Variants in SBK1 observed in about 807,000 individuals in gnomAD.
SBK1 encodes the protein serine/threonine-protein kinase SBK1.
SBK1 carries 11 observed loss-of-function variants against 24.4 expected under a neutral mutation model. The ratio of observed to expected loss-of-function variants is 0.45; its 90% confidence interval spans 0.28 to 0.75. The LOEUF (loss-of-function observed/expected upper bound fraction) is 0.75. Ranked by LOEUF, SBK1 falls within the 30% of genes least tolerant of loss-of-function variation. SBK1 has a pLI of 0.12. For missense variants in SBK1, 467 were observed against 620.5 expected, an observed-to-expected ratio of 0.75 and a Z score of 2.63; for synonymous variants, 308 against 284.4, an observed-to-expected ratio of 1.08 and a Z score of -0.83.
rs1021505330 is a variant in SBK1, at chr16:28,317,036, G to C, written c.-7-349G>C. ...TCTCTACAATCCAAATAAAACCAACGCTTCTGAATGGGAGTACCCGTGTGA... is the reference window on the plus strand; with the variant it reads ...TCTCTACAATCCAAATAAAACCAACCCTTCTGAATGGGAGTACCCGTGTGA... On this transcript the variant is annotated intron_variant, in intron 1 of 3. Coordinates refer to ENST00000341901, the MANE Select transcript of SBK1 (RefSeq NM_001024401.3). The surrounding 1 kb of genome is among the most constrained non-coding windows in gnomAD (Gnocchi z 4.2). Among the ~76,000 whole-genome samples the C allele has an allele frequency of 2.6e-5, 4 of 152,166 alleles. No individual in the cohort carries two copies. Among genetic ancestry groups the C allele is most frequent in the Admixed American group, 2.6e-4 (4 of 15,268 alleles).
chr16:28,261,553 C>T (rs1382103655), intron 1 of SBK1, among the ~76,000 whole-genome samples: 1 of 151,728 alleles, frequency 6.6e-6, no homozygotes, highest in Non-Finnish European at 1.5e-5. Context: ...TCCCTTGAGC[C>T]CAGAAGTTCG....
intron 1 of SBK1, among the ~76,000 whole-genome samples, chr16:28,307,612 C>T (rs747344301): frequency 7.9e-5 from 12 of 151,684 alleles, no homozygotes; most frequent in Non-Finnish European, 1.6e-4. Flanking sequence ...TGGTGGCTCA[C>T]GCCTGTAGTC....
rs2044864504 is a variant in SBK1, at chr16:28,322,919, G to GCGCTCTCTCTCT, written c.*1999_*2000insGCTCTCTCTCTC. 1.7e-5 allele frequency: 1 copy of GCGCTCTCTCTCT among 58,048 alleles called. No homozygotes were observed. Among genetic ancestry groups the GCGCTCTCTCTCT allele is most frequent in the African/African-American group, 5.1e-5 (1 of 19,710 alleles). 3.6% of individuals were successfully genotyped at this position (58,048 alleles called of 1,614,324 possible). A position where few individuals can be genotyped will look rare whatever the true frequency, so the allele number is the denominator to read the frequency against. On this transcript the variant is annotated 3_prime_UTR_variant, in exon 4 of 4. Transcript: ENST00000341901. ...CGTGCTCGCTCTCTCTCTCGCGCGC[G>GCGCTCTCTCTCT]CTCTCTCTCTCCCTCTCTCTCTCTC...
intron 1 of SBK1, among the ~76,000 whole-genome samples, chr16:28,293,597 C>A (rs571382847): frequency 1.1e-4 from 17 of 151,950 alleles, no homozygotes; most frequent in African/African-American, 3.4e-4. Flanking sequence ...GAGTCCCCCC[C>A]CAAAAGCTGC....
chr16:28,277,783 CCT>C, intron 1 of SBK1, among the ~76,000 whole-genome samples: 1 of 152,342 alleles, frequency 6.6e-6, no homozygotes, highest in East Asian at 1.9e-4. Flanking sequence ...GTGGTCTTGC[CCT>C]CGAGAACCAG....
intron 2 of SBK1, among the ~76,000 whole-genome samples, chr16:28,318,428 G>A (rs1299047075): frequency 6.6e-6 from 1 of 152,244 alleles, no homozygotes; most frequent in Non-Finnish European, 1.5e-5. Context: ...GTCCTTCTCT[G>A]TAAAATAGGG....
Position 28,323,242 on chromosome 16 carries a change from G to A in SBK1, c.*2321G>A, listed in dbSNP as rs1389831366. The stretch of plus-strand genomic sequence containing the variant: ...CTTAGGAGAGGTGTTGGTCACAGAT[G>A]TTTACCTCAGTTTATGTCACTGTCG... On this transcript the variant is annotated 3_prime_UTR_variant, in exon 4 of 4. Coordinates refer to ENST00000341901, the MANE Select transcript of SBK1 (RefSeq NM_001024401.3). 6.7e-6 allele frequency: 1 copy of A among 149,940 alleles called. No homozygotes were observed. The highest frequency in any genetic ancestry group is 1.5e-5 in the Non-Finnish European group (1 of 67,590). The allele number at this position is 149,940 out of a possible 1,614,324, so 9.3% of individuals were successfully genotyped here.
chr16:28,314,143 ATTATTG>A (rs1056918810), intron 1 of SBK1, among the ~76,000 whole-genome samples: 5 of 97,398 alleles, frequency 5.1e-5, no homozygotes, highest in Admixed American at 1.9e-4. Flanking sequence ...TGTTGTCGTT[ATTATTG>A]TTATTATTAT....
intron 1 of SBK1, among the ~76,000 whole-genome samples, chr16:28,296,810 C>G (rs529465936): frequency 7.2e-5 from 11 of 152,142 alleles, no homozygotes; most frequent in Non-Finnish European, 1.3e-4. Flanking sequence ...ACAGCAAACC[C>G]GAGTCCTTCC....
At chr16:28,275,880 G>C (rs2044491584) in intron 1 of SBK1, among the ~76,000 whole-genome samples, 1 of 151,320 alleles carries the variant, frequency 6.6e-6, no homozygotes, top group East Asian at 1.9e-4. Context: ...GGAAGACCCT[G>C]TCTCAAAAAA....
chr16:28,294,294 T>C (rs1394763138), intron 1 of SBK1, among the ~76,000 whole-genome samples: 2 of 152,110 alleles, frequency 1.3e-5, no homozygotes, highest in Non-Finnish European at 2.9e-5. Context: ...CTGGACTGCA[T>C]GGAAAGAACA....
At chr16:28,270,406 A>AAGTATT (rs977046059) in intron 1 of SBK1, among the ~76,000 whole-genome samples, 4 of 146,032 alleles carry the variant, frequency 2.7e-5, no homozygotes, top group Non-Finnish European at 4.5e-5. Context: ...TTCAGCCTAG[A>AAGTATT]ATTATTATTA....
chr16:28,293,932 C>G (rs1485907950), intron 1 of SBK1, among the ~76,000 whole-genome samples: 2 of 152,132 alleles, frequency 1.3e-5, no homozygotes, highest in African/African-American at 4.8e-5. Context: ...GTAAGTACCC[C>G]CCAAAGTGAG....
intron 1 of SBK1, among the ~76,000 whole-genome samples, chr16:28,315,480 T>C (rs1338681861): frequency 6.6e-6 from 1 of 152,130 alleles, no homozygotes; most frequent in Non-Finnish European, 1.5e-5. Context: ...AGTCAGGTCT[T>C]AGCCCAAGTG....
intron 1 of SBK1, among the ~76,000 whole-genome samples, chr16:28,272,390 C>T (rs964732719): frequency 2.0e-5 from 3 of 151,960 alleles, no homozygotes; most frequent in African/African-American, 7.2e-5. Flanking sequence ...CTCTTTAGAG[C>T]TTATTCATCT....
chr16:28,317,237 C>T lies in SBK1; in HGVS notation c.-7-148C>T. The T allele has an allele frequency of 4.7e-6, 3 of 639,250 alleles. No individual in the cohort carries two copies. The highest frequency in any genetic ancestry group is 8.2e-6 in the Non-Finnish European group (3 of 366,618). 39.6% of individuals were successfully genotyped at this position (639,250 alleles called of 1,614,324 possible). On this transcript the variant is annotated intron_variant, in intron 1 of 3. Coordinates refer to ENST00000341901, the MANE Select transcript of SBK1 (RefSeq NM_001024401.3). This position sits in a 1 kb window ranked among gnomAD's most constrained non-coding sequence, Gnocchi z 4.2. ...GAGGCTTTGGGGAAGGCGACGCGAC[C>T]AAGATGCTTGTCGCCCCCTTGTGGT...
At chr16:28,278,752 A>G (rs2044510550) in intron 1 of SBK1, among the ~76,000 whole-genome samples, 1 of 152,142 alleles carries the variant, frequency 6.6e-6, no homozygotes, top group Non-Finnish European at 1.5e-5. Context: ...CACCTCCCAT[A>G]GGCAGGTTCT....
intron 1 of SBK1, among the ~76,000 whole-genome samples, chr16:28,294,406 G>A (rs55917672): frequency 0.011 from 1,732 of 152,282 alleles, 13 homozygotes; most frequent in South Asian, 0.034. Flanking sequence ...ACTGAGGCTC[G>A]GGAAGGCAGG....
chr16:28,318,872 G>C (rs998011512), intron 2 of SBK1, 123 bp from the exon 3 acceptor site: 6 of 765,278 alleles, frequency 7.8e-6, no homozygotes, highest in Non-Finnish European at 1.2e-5. Context: ...CCATCCGTGA[G>C]ATGAGGACAG....
Sources: allele counts gnomAD v4.1 joint callset (sites outside exome capture counted in the v4.1 genomes callset), GRCh38; gene constraint gnomAD v4.1.1; non-coding constraint Gnocchi (gnomAD v3.1); transcripts MANE v1.5; gene names NCBI Gene and HGNC (gene_info 2026-07-23, HGNC 2026-07-21).